The following RAPGEF2 variants were observed in gnomAD, a reference collection of about 807,000 sequenced individuals.
RAPGEF2 encodes PDZ domain containing guanine nucleotide exchange factor (GEF) 1.
A neutral mutation model predicts 186.7 loss-of-function variants in RAPGEF2; 54 were observed. The observed-to-expected ratio is 0.29, with a 90% CI of 0.23 to 0.36. RAPGEF2 has a LOEUF of 0.36. Among genes scored for constraint, RAPGEF2 ranks in the 10% least tolerant of loss-of-function variants. The pLI is 1.00. For synonymous variants in RAPGEF2, 712 were observed against 705.9 expected, an observed-to-expected ratio of 1.01 and a Z score of -0.14; for missense variants, 1,532 against 2,045.0, an observed-to-expected ratio of 0.75 and a Z score of 4.84.
chr4:159,142,222 A>T (rs949170446), intron 1 of RAPGEF2, among the ~76,000 whole-genome samples: 3 of 152,186 alleles, frequency 2.0e-5, no homozygotes, highest in Non-Finnish European at 4.4e-5. Context: ...AAATGTCTTT[A>T]TTCTTTCTTC....
chr4:159,296,975 T>C (rs1762099027), intron 7 of RAPGEF2, among the ~76,000 whole-genome samples: 2 of 152,236 alleles, frequency 1.3e-5, no homozygotes, highest in Non-Finnish European at 2.9e-5. Context: ...ATATTGATTA[T>C]TTATTTTCCT....
At chr4:159,139,516 C>A (rs147037847) in intron 1 of RAPGEF2, among the ~76,000 whole-genome samples, 4 of 152,020 alleles carry the variant, frequency 2.6e-5, no homozygotes, top group African/African-American at 9.6e-5. Context: ...GCAATATTTC[C>A]TTTACCTGTC....
intron 7 of RAPGEF2, among the ~76,000 whole-genome samples, chr4:159,245,265 G>C (rs947156435): frequency 6.6e-6 from 1 of 152,034 alleles, no homozygotes; most frequent in Non-Finnish European, 1.5e-5. Flanking sequence ...AAGTGTATGA[G>C]GTTTGCAGAG....
In RAPGEF2 at chr4:159,358,798, G is replaced by C. The variant is rs1378801957; in HGVS notation, c.*659G>C. The C allele has an allele frequency of 6.6e-6, 1 of 152,190 alleles. No homozygotes were observed. The highest frequency in any genetic ancestry group is 1.5e-5 in the Non-Finnish European group (1 of 68,044). 9.4% of individuals were successfully genotyped at this position (152,190 alleles called of 1,614,324 possible). A position where few individuals can be genotyped will look rare whatever the true frequency, so the allele number is the denominator to read the frequency against. On this transcript the variant is annotated 3_prime_UTR_variant, in exon 30 of 30. Transcript: ENST00000691494. ...GGTTTCTGAAAAACCAAATATGCCG[G>C]ACAGGGTGTGGCCACACCAAGAAGA...
At chr4:159,114,450 TG>T (rs1178955252) in intron 1 of RAPGEF2, among the ~76,000 whole-genome samples, 1 of 152,010 alleles carries the variant, frequency 6.6e-6, no homozygotes, top group African/African-American at 2.4e-5. Flanking sequence ...TAGCCCAGGC[TG>T]GTCTTGAACT....
intron 22 of RAPGEF2, 105 bp downstream of exon 22, chr4:159,343,509 C>G: frequency 7.0e-7 from 1 of 1,424,906 alleles, no homozygotes; most frequent in Non-Finnish European, 9.6e-7. Context: ...ATTTGTAGTA[C>G]GGCAGAAATT....
intron 7 of RAPGEF2, among the ~76,000 whole-genome samples, chr4:159,272,991 TG>T (rs1366184547): frequency 1.3e-5 from 2 of 152,206 alleles, no homozygotes; most frequent in Non-Finnish European, 2.9e-5. Context: ...CTGTAAACAT[TG>T]GGTAGAGTGT....
intron 3 of RAPGEF2, among the ~76,000 whole-genome samples, chr4:159,194,340 T>C (rs945533514): frequency 6.6e-6 from 1 of 152,202 alleles, no homozygotes; most frequent in Non-Finnish European, 1.5e-5. Flanking sequence ...ACTTGGATCC[T>C]TCAGGCAGAT....
chr4:159,213,718 G>T (rs560513045), intron 4 of RAPGEF2, among the ~76,000 whole-genome samples: 3 of 152,050 alleles, frequency 2.0e-5, no homozygotes, highest in Admixed American at 1.3e-4. Context: ...GGTGGTTTGG[G>T]TATGTATTTT....
At chr4:159,203,481 C>T (rs1307884271) in intron 3 of RAPGEF2, among the ~76,000 whole-genome samples, 1 of 152,200 alleles carries the variant, frequency 6.6e-6, no homozygotes, top group African/African-American at 2.4e-5. Flanking sequence ...CACTGGGAAG[C>T]TGGAAGAAAG....
intron 3 of RAPGEF2, among the ~76,000 whole-genome samples, chr4:159,195,804 T>C (rs978309697): frequency 6.6e-6 from 1 of 151,508 alleles, no homozygotes; most frequent in Non-Finnish European, 1.5e-5. Flanking sequence ...TGCTACATTA[T>C]GACTGCCTAA....
chr4:159,181,553 T>G (rs1747007642), intron 1 of RAPGEF2, among the ~76,000 whole-genome samples: 2 of 150,676 alleles, frequency 1.3e-5, no homozygotes, highest in African/African-American at 4.9e-5. Context: ...GAATATAAGC[T>G]CCTCAGAAAT....
At chr4:159,200,189 CA>C (rs1749253003) in intron 3 of RAPGEF2, among the ~76,000 whole-genome samples, 3 of 152,130 alleles carry the variant, frequency 2.0e-5, no homozygotes, top group African/African-American at 7.2e-5. Context: ...AAGATTGTGC[CA>C]GGCACAGTGG....
intron 7 of RAPGEF2, among the ~76,000 whole-genome samples, chr4:159,260,139 C>T (rs945283982): frequency 6.6e-6 from 1 of 152,004 alleles, no homozygotes; most frequent in Non-Finnish European, 1.5e-5. Context: ...AGGTGTGCAC[C>T]ACAACGACTG....
intron 7 of RAPGEF2, among the ~76,000 whole-genome samples, chr4:159,301,235 C>T (rs538081424): frequency 5.9e-5 from 9 of 151,920 alleles, no homozygotes; most frequent in Middle Eastern, 3.4e-3. Context: ...TAGCCGGGGT[C>T]GTGGGCGCCT....
At chr4:159,130,712 A>G (rs1740949708) in intron 1 of RAPGEF2, among the ~76,000 whole-genome samples, 1 of 152,020 alleles carries the variant, frequency 6.6e-6, no homozygotes, top group African/African-American at 2.4e-5. Flanking sequence ...TTATTGTTTT[A>G]TTTTATTTTA....
chr4:159,104,498 G>GAGAGAGAA (rs1737576608), intron 1 of RAPGEF2, among the ~76,000 whole-genome samples: 1 of 88,808 alleles, frequency 1.1e-5, no homozygotes, highest in Non-Finnish European at 2.4e-5. Flanking sequence ...CCGAGAGAGA[G>GAGAGAGAA]AGAGAGAGAG....
intron 25 of RAPGEF2, among the ~76,000 whole-genome samples, chr4:159,349,295 G>A (rs1027147120): frequency 1.3e-5 from 2 of 152,164 alleles, no homozygotes; most frequent in African/African-American, 4.8e-5. Flanking sequence ...GTAGTTTCAG[G>A]CTGTAGTGCC....
rs565005551 is a variant in RAPGEF2 at position 159,353,294 on chromosome 4, A to C, written c.4092-193A>C. 8.7e-5 allele frequency among the ~76,000 whole-genome samples: 13 copies of C among 149,818 alleles called. No individual in the cohort carries two copies. The highest frequency in any genetic ancestry group is 3.0e-4 in the African/African-American group (12 of 40,624). ...CGTTCTTTTCCCGCATGCCTGTTTT[A>C]TAGTAATGATAAAGTCAGAAGGCTA... On this transcript the variant is annotated intron_variant, in intron 27 of 29. Transcript: ENST00000691494. This position sits in a 1 kb window ranked among gnomAD's most constrained non-coding sequence, Gnocchi z 4.3.
Sources: gnomAD v4.1 joint callset for allele counts (sites outside exome capture counted in the v4.1 genomes callset) on GRCh38, gnomAD v4.1.1 for gene constraint, Gnocchi (gnomAD v3.1) non-coding constraint, MANE v1.5 for transcripts, NCBI Gene and HGNC (gene_info 2026-07-23, HGNC 2026-07-21) for gene names.